Variants in SLC35B4 observed in about 807,000 individuals in gnomAD.
The protein encoded by SLC35B4 is nucleotide sugar transporter SLC35B4.
SLC35B4 carries 28 observed loss-of-function variants against 39.5 expected under a neutral mutation model. The ratio of observed to expected loss-of-function variants is 0.71; its 90% CI spans 0.53 to 0.97. The LOEUF (loss-of-function observed/expected upper bound fraction) is 0.97. Ranked by LOEUF, SLC35B4 falls within the 50% of genes least tolerant of loss-of-function variation. SLC35B4 has a pLI of 0.00. For missense variants in SLC35B4, 334 were observed against 414.3 expected (o/e 0.81, Z 1.68); for synonymous variants, 145 against 150.4 (o/e 0.96, Z 0.26).
rs1803583493 is a variant in SLC35B4, at chr7:134,301,609, C to CTAAG, written c.487+148_487+151dup. The CTAAG allele has an allele frequency of 4.2e-6, 3 of 712,652 alleles. No individual in the cohort carries two copies. In the East Asian group the frequency reaches 7.4e-5, roughly 18 times the overall value. The allele number at this position is 712,652 out of a possible 1,614,324, so 44.1% of individuals were successfully genotyped here. ...TTTTCTTTTTTTCATTTCTTGAACG[C>CTAAG]TAAGGCTCAGAGAAATATGATCCCA... On this transcript the variant is annotated intron_variant, in intron 6 of 9. Transcript: ENST00000378509.
At chr7:134,316,454 G>C (rs920165159) in intron 1 of SLC35B4, among the ~76,000 whole-genome samples, 2 of 152,248 alleles carry the variant, frequency 1.3e-5, no homozygotes, top group African/African-American at 4.8e-5. Flanking sequence ...GAAACTGTTA[G>C]GCGGGACTGC....
Position 134,294,213 on chromosome 7 carries a change from G to A in SLC35B4, c.*620C>T, listed in dbSNP as rs79128386. On this transcript the variant is annotated 3_prime_UTR_variant, in exon 10 of 10. Transcript: ENST00000378509. ...GCATAGAAAAAAAAAAAAGCAAAAT[G>A]TGGGAAAGAGGAGTCCCACTAGTCT... The A allele has an allele frequency of 0.026, 4,004 of 152,198 alleles. 116 individuals are homozygous for A. The highest frequency in any genetic ancestry group is 0.067 in the African/African-American group (2,783 of 41,420). The allele number at this position is 152,198 out of a possible 1,614,324, so 9.4% of individuals were successfully genotyped here. A position where few individuals can be genotyped will look rare whatever the true frequency, so the allele number is the denominator to read the frequency against.
chr7:134,302,412 A>C (rs1031018976), intron 4 of SLC35B4, among the ~76,000 whole-genome samples: 1 of 152,186 alleles, frequency 6.6e-6, no homozygotes, highest in East Asian at 1.9e-4. Flanking sequence ...TTCTGCTCTC[A>C]AGAGTCCAGA....
In SLC35B4 at chr7:134,299,595, C is replaced by T. The variant is rs781778731; in HGVS notation, c.601G>A (p.Ala201Thr). The change falls in exon 8 of 10, where the codon GCC becomes ACC. Residue 201 changes from alanine to threonine, a missense_variant. Coordinates refer to ENST00000378509, the MANE Select transcript of SLC35B4 (RefSeq NM_032826.5). ...HSKEALFYNH[A>T]LPLPGFVFLA... Reference sequence around the variant, plus strand: ...AAGACGAAACCCGGAAGTGGAAGGGCGTGCTATGGAAAGAAACAGGTCAGA... The same window carrying T: ...AAGACGAAACCCGGAAGTGGAAGGGTGTGCTATGGAAAGAAACAGGTCAGA... 1.8e-5 allele frequency: 29 copies of T among 1,613,150 alleles called. No individual in the cohort carries two copies. Among genetic ancestry groups the T allele is most frequent in the Admixed American group, 3.3e-5 (2 of 59,982 alleles).
chr7:134,305,858 TGG>T (rs1803698838), intron 3 of SLC35B4, among the ~76,000 whole-genome samples: 1 of 152,066 alleles, frequency 6.6e-6, no homozygotes, highest in Admixed American at 6.6e-5. Context: ...TTAGTAGAGA[TGG>T]GGTTTCCCAT....
In SLC35B4 at chr7:134,290,158, A is replaced by G. The variant is rs564534613; in HGVS notation, c.*4675T>C. 6.6e-6 allele frequency: 1 copy of G among 152,312 alleles called. No homozygotes were observed. Among genetic ancestry groups the G allele is most frequent in the South Asian group, 2.1e-4 (1 of 4,832 alleles). The allele number at this position is 152,312 out of a possible 1,614,324, so 9.4% of individuals were successfully genotyped here. On this transcript the variant is annotated 3_prime_UTR_variant, in exon 10 of 10. Transcript: ENST00000378509. The stretch of plus-strand genomic sequence containing the variant: ...CTTGCACTTTCTTCCTGAGCATCAA[A>G]TATGTAAGGTGCTAACTACATAATA...
chr7:134,295,216 C>G (rs967257986), intron 9 of SLC35B4, 137 bp from the exon 10 acceptor site: 123 of 1,123,050 alleles, frequency 1.1e-4, no homozygotes, highest in Non-Finnish European at 1.5e-4. Flanking sequence ...CTCTGAGGCT[C>G]CTCCTGGGGA....
At chr7:134,315,655 A>G (rs935294516) in intron 1 of SLC35B4, among the ~76,000 whole-genome samples, 2 of 151,840 alleles carry the variant, frequency 1.3e-5, no homozygotes, top group East Asian at 3.9e-4. Flanking sequence ...AAAAAAAACA[A>G]AAAACAAAAA....
chr7:134,313,426 T>C (rs1467011835), intron 1 of SLC35B4, among the ~76,000 whole-genome samples: 2 of 152,260 alleles, frequency 1.3e-5, no homozygotes, highest in African/African-American at 4.8e-5. Flanking sequence ...AAAAAATGTT[T>C]CAGATTGTTT....
chr7:134,307,621 CA>C (rs1419877523), intron 2 of SLC35B4, among the ~76,000 whole-genome samples: 1 of 152,142 alleles, frequency 6.6e-6, no homozygotes, highest in African/African-American at 2.4e-5. Flanking sequence ...GAATGCAGGG[CA>C]AAAGCAAATA....
At chr7:134,295,143 T>G (rs1803433328) in intron 9 of SLC35B4, 64 bp from the exon 10 acceptor site, 1 of 1,570,734 alleles carries the variant, frequency 6.4e-7, no homozygotes, top group African/African-American at 1.4e-5. Context: ...GAGAGAACCT[T>G]CTGGCATGGT....
At chr7:134,319,530 T>C (rs1233843123), upstream of SLC35B4, among the ~76,000 whole-genome samples, 5 of 152,202 alleles carry the variant, frequency 3.3e-5, no homozygotes, top group Non-Finnish European at 5.9e-5. Flanking sequence ...CCTCCTCTCA[T>C]TGCCCTGCAC....
At chr7:134,303,317 T>C (rs12669902) in intron 4 of SLC35B4, among the ~76,000 whole-genome samples, 10,159 of 152,208 alleles carry the variant, frequency 0.067, 926 homozygotes, top group East Asian at 0.47. Flanking sequence ...ATCAGGAGAA[T>C]ACAATTTCTC....
intron 3 of SLC35B4, among the ~76,000 whole-genome samples, chr7:134,305,746 C>T (rs1049133652): frequency 1.3e-5 from 2 of 152,190 alleles, no homozygotes; most frequent in Non-Finnish European, 2.9e-5. Flanking sequence ...TCTTGGCTCA[C>T]CACAACCTCT....
rs775903407 is a variant in SLC35B4, at chr7:134,295,004, T to A, written c.825A>T (p.Leu275=). Residue 275 remains leucine, a synonymous_variant, in exon 10 of 10, where the codon CTA becomes CTT. Transcript: ENST00000378509. The part of the protein sequence containing the change: ...ASLTVTLVVT[L]RKFVSLIFSI... Reference sequence around the variant, plus strand: ...AAAAGATGAGGCTCACAAATTTGCGTAGGGTCACGACGAGCGTGACGGTGA... The same window carrying A: ...AAAAGATGAGGCTCACAAATTTGCGAAGGGTCACGACGAGCGTGACGGTGA... 6.2e-7 allele frequency: 1 copy of A among 1,614,068 alleles called. No homozygotes were observed. Among genetic ancestry groups the A allele is most frequent in the East Asian group, 2.2e-5 (1 of 44,872 alleles).
chr7:134,296,925 ATTAAT>A (rs1316426351), intron 8 of SLC35B4, among the ~76,000 whole-genome samples: 3 of 152,198 alleles, frequency 2.0e-5, no homozygotes, highest in Admixed American at 2.0e-4. Flanking sequence ...TTCAAAACTT[ATTAAT>A]TTATTTTTGA....
At position 134,316,555 on chromosome 7, in the gene SLC35B4, C is replaced by T. The variant is rs892104201; in HGVS notation, c.77+120G>A. On this transcript the variant is annotated intron_variant, in intron 1 of 9. Transcript: ENST00000378509. The stretch of plus-strand genomic sequence containing the variant: ...TTGCTGGGGGGCTCAGGCCGTCCTG[C>T]CCCGGGCTCCGTGGGCGGCGGGGTG... 6.5e-5 allele frequency: 68 copies of T among 1,050,258 alleles called. No homozygotes were observed. The Admixed American group carries it at 1.4e-3, about 22-fold the overall frequency. The allele number at this position is 1,050,258 out of a possible 1,614,324, so 65.1% of individuals were successfully genotyped here.
upstream of SLC35B4, among the ~76,000 whole-genome samples, chr7:134,319,967 G>A (rs1158118732): frequency 1.3e-5 from 2 of 151,980 alleles, no homozygotes; most frequent in Admixed American, 1.3e-4. Context: ...TTCAGCCTCT[G>A]TGTTCTTTAA....
chr7:134,306,734 C>G lies in SLC35B4; in HGVS notation c.232G>C (p.Val78Leu). The change falls in exon 3 of 10, where the codon GTG becomes CTG. Residue 78 changes from valine (V) to leucine (L), a missense_variant. By Grantham distance (32) the Val-to-Leu change is conservative (BLOSUM62 1). Coordinates refer to ENST00000378509, the MANE Select transcript of SLC35B4 (RefSeq NM_032826.5). ...AGATTCAGGGCATAGTTGTTCACCA[C>G]GCTCACGGTGAAGAACATGGTCACC... The part of the protein sequence containing the change: ...IMVTMFFTVS[V>L]VNNYALNLNI... 1 of 1,613,956 alleles carries G rather than the reference C, an allele frequency of 6.2e-7. No homozygotes were observed. Among genetic ancestry groups the G allele is most frequent in the Non-Finnish European group, 8.5e-7 (1 of 1,179,956 alleles).
Sources: allele counts gnomAD v4.1 joint callset (sites outside exome capture counted in the v4.1 genomes callset), GRCh38; gene constraint gnomAD v4.1.1; transcripts MANE v1.5; gene names NCBI Gene and HGNC (gene_info 2026-07-23, HGNC 2026-07-21).